RASIP1: variants seen among roughly 807,000 people sequenced by gnomAD.
RASIP1 encodes ras-interacting protein 1.
Under a neutral mutation model 85.3 loss-of-function variants are expected in RASIP1, and 20 were observed. That is an observed-to-expected ratio of 0.23 (90% confidence interval 0.17 to 0.34). The LOEUF (loss-of-function observed/expected upper bound fraction) is 0.34. RASIP1 is among the 10% of genes least tolerant of loss of function. RASIP1 has a pLI of 1.00. For missense variants in RASIP1, 1,170 were observed against 1,390.9 expected (o/e 0.84, Z 2.53); for synonymous variants, 617 against 647.1 (o/e 0.95, Z 0.71).
intron 4 of RASIP1, among the ~76,000 whole-genome samples, chr19:48,733,761 C>T (rs562001103): frequency 1.1e-4 from 16 of 150,016 alleles, no homozygotes; most frequent in Non-Finnish European, 1.9e-4. Context: ...GAGCCAAGAT[C>T]GCACCACTGC....
rs2033548299 is a variant in RASIP1 at position 48,735,270 on chromosome 19, A to G, written c.1105T>C (p.Leu369=). The change falls in exon 4 of 12, where the codon TTG becomes CTG. Residue 369 remains leucine, a synonymous_variant. Coordinates refer to ENST00000222145, the MANE Select transcript of RASIP1 (RefSeq NM_017805.3). ...GGGGCCTGGATGAGGCACTGAGTCAACTGATCGAAGTCCCCGGGGTCTGCA... is the reference window on the plus strand; with the variant it reads ...GGGGCCTGGATGAGGCACTGAGTCAGCTGATCGAAGTCCCCGGGGTCTGCA... The part of the protein sequence containing the change: ...GTADPGDFDQ[L]TQCLIQAPSN... The G allele has an allele frequency of 6.2e-7, 1 of 1,614,022 alleles. No homozygotes were observed. The highest frequency in any genetic ancestry group is 8.5e-7 in the Non-Finnish European group (1 of 1,179,994).
chr19:48,724,851 G>T lies in RASIP1; in HGVS notation c.2237C>A (p.Pro746His). 1 of 1,614,258 alleles carries T rather than the reference G, an allele frequency of 6.2e-7. No homozygotes were observed. Among genetic ancestry groups the T allele is most frequent in the Non-Finnish European group, 8.5e-7 (1 of 1,180,044 alleles). The change falls in exon 9 of 12, where the codon CCT becomes CAT. Residue 746 changes from proline (P) to histidine (H), a missense_variant. Pro to His is a moderately conservative substitution (Grantham distance 77). Coordinates refer to ENST00000222145, the MANE Select transcript of RASIP1 (RefSeq NM_017805.3). The surrounding 1 kb of genome is among the most constrained non-coding windows in gnomAD (Gnocchi z 4.6). The part of the protein sequence containing the change: ...ELGAMPPGLR[P>H]TLGVFQAALE... ...GGCTGCCTGGAACACGCCCAGGGTA[G>T]GTCTCAATCCTGGAGGCATGGCCCC...
chr19:48,737,356 T>G, intron 3 of RASIP1: 1 of 588,166 alleles, frequency 1.7e-6, no homozygotes, highest in Non-Finnish European at 2.1e-6. Context: ...CAGAAAAGCG[T>G]TTAGAAGGCT....
chr19:48,732,137 G>A (rs1223047611), intron 4 of RASIP1, among the ~76,000 whole-genome samples: 2 of 150,470 alleles, frequency 1.3e-5, no homozygotes, highest in African/African-American at 4.9e-5. Flanking sequence ...CATTATCTTG[G>A]TTCACTGCAG....
chr19:48,729,926 G>C (rs1161032006), intron 4 of RASIP1, among the ~76,000 whole-genome samples: 1 of 151,746 alleles, frequency 6.6e-6, no homozygotes, highest in Non-Finnish European at 1.5e-5. Context: ...TGTTGGCCAG[G>C]CTGGTCTTAA....
Position 48,720,746 on chromosome 19 carries a change from C to A in RASIP1, c.*52G>T. 6.4e-7 allele frequency: 1 copy of A among 1,570,654 alleles called. No homozygotes were observed. Among genetic ancestry groups the A allele is most frequent in the East Asian group, 2.2e-5 (1 of 44,606 alleles). On this transcript the variant is annotated 3_prime_UTR_variant, in exon 12 of 12. Transcript: ENST00000222145. ...GCTTTGCGCTCAGGCGGGCTCCTGT[C>A]CGTAGAAGCCCGTGACATTTCAAGG...
chr19:48,728,692 A>C (rs2033386579), intron 5 of RASIP1, among the ~76,000 whole-genome samples: 1 of 152,184 alleles, frequency 6.6e-6, no homozygotes, highest in Non-Finnish European at 1.5e-5. Context: ...TGAACCCCGG[A>C]GGTAGAGGTT....
Position 48,735,469 on chromosome 19 carries a change from C to A in RASIP1, c.906G>T (p.Pro302=). Residue 302 remains proline, a synonymous_variant, in exon 4 of 12, where the codon CCG becomes CCT. Coordinates refer to ENST00000222145, the MANE Select transcript of RASIP1 (RefSeq NM_017805.3). ...SGGAALASPG[P]GTGSGAPAGS... is the part of the protein sequence containing the mutation. ...CAGCTGGGGCCCCTGATCCGGTCCC[C>A]GGGCCAGGACTGGCCAGCGCTGCCC... is the stretch of plus-strand genomic sequence containing the variant. The A allele has an allele frequency of 1.3e-6, 2 of 1,580,326 alleles. No homozygotes were observed. Among genetic ancestry groups the A allele is most frequent in the Non-Finnish European group, 1.7e-6 (2 of 1,163,556 alleles).
Position 48,735,200 on chromosome 19 carries a change from G to A in RASIP1, c.1175C>T (p.Ala392Val). The A allele has an allele frequency of 6.2e-7, 1 of 1,607,026 alleles. No individual in the cohort carries two copies. The highest frequency in any genetic ancestry group is 8.5e-7 in the Non-Finnish European group (1 of 1,175,324). Residue 392 changes from alanine (A) to valine (V), a missense_variant, in exon 4 of 12, where the codon GCC becomes GTC. By Grantham distance (64) the Ala-to-Val change is moderately conservative. This residue lies in a region of RASIP1 where 301 missense variants were observed against 294.8 expected (regional missense o/e 1.02). Coordinates refer to ENST00000222145, the MANE Select transcript of RASIP1 (RefSeq NM_017805.3). ...CGGGGCTGGGGCGGCGGTTACCTGG[G>A]CGTCCTGGTAGCCCTGGAGCAGCAG... ...YFLLLQGYQD[A>V]QDFVVYVMTR...
At position 48,724,805 on chromosome 19, in the gene RASIP1, G is replaced by A. The variant is rs775977001; in HGVS notation, c.2283C>T (p.Cys761=). The change falls in exon 9 of 12, where the codon TGC becomes TGT. Residue 761 remains cysteine, a synonymous_variant. Coordinates refer to ENST00000222145, the MANE Select transcript of RASIP1 (RefSeq NM_017805.3). This position sits in a 1 kb window ranked among gnomAD's most constrained non-coding sequence, Gnocchi z 4.6. The stretch of plus-strand genomic sequence containing the variant: ...GAGACACGAGGTCAGGGTGCAGCTC[G>A]CACTGGCTGGTCAGCTCCAAGGCTG... ...FQAALELTSQ[C]ELHPDLVSQT... is the part of the protein sequence containing the mutation. 1.3e-5 allele frequency: 21 copies of A among 1,614,096 alleles called. No individual in the cohort carries two copies. The highest frequency in any genetic ancestry group is 9.3e-5 in the African/African-American group (7 of 74,946).
At position 48,740,337 on chromosome 19, in the gene RASIP1, G is replaced by T; in HGVS notation, c.-4-51C>A. The T allele has an allele frequency of 2.0e-6, 3 of 1,530,574 alleles. No individual in the cohort carries two copies. The highest frequency in any genetic ancestry group is 2.6e-6 in the Non-Finnish European group (3 of 1,141,316). The allele number at this position is 1,530,574 out of a possible 1,614,324, so 94.8% of individuals were successfully genotyped here. A position where few individuals can be genotyped will look rare whatever the true frequency, so the allele number is the denominator to read the frequency against. On this transcript the variant is annotated intron_variant, in intron 1 of 11. Coordinates refer to ENST00000222145, the MANE Select transcript of RASIP1 (RefSeq NM_017805.3). The surrounding 1 kb of genome is among the most constrained non-coding windows in gnomAD (Gnocchi z 5.5). Reference sequence around the variant, plus strand: ...ACTCCTAAGGCATTCTTGTGGGGATGGGGTGGAGGGAACCTGGACTCCGAG... The same window carrying T: ...ACTCCTAAGGCATTCTTGTGGGGATTGGGTGGAGGGAACCTGGACTCCGAG...
At chr19:48,737,960 T>C in intron 3 of RASIP1, 3 of 984,782 alleles carry the variant, frequency 3.0e-6, no homozygotes, top group Non-Finnish European at 3.6e-6. Flanking sequence ...TGTTTGTTTT[T>C]TCGAGACGAA....
At chr19:48,725,553 CAAG>C (rs2033327904) in intron 8 of RASIP1, 1 of 152,634 alleles carries the variant, frequency 6.6e-6, no homozygotes, top group African/African-American at 2.4e-5. Context: ...CTGAGAATGC[CAAG>C]AAGTGGTGTT....
At chr19:48,721,433 A>C (rs1004089755) in intron 11 of RASIP1, among the ~76,000 whole-genome samples, 2 of 152,014 alleles carry the variant, frequency 1.3e-5, no homozygotes, top group East Asian at 1.9e-4. Flanking sequence ...TGGGTCCTGC[A>C]CTTATGTCCT....
intron 4 of RASIP1, among the ~76,000 whole-genome samples, chr19:48,734,198 G>A (rs2033521016): frequency 1.3e-5 from 2 of 151,910 alleles, no homozygotes; most frequent in South Asian, 2.1e-4. Flanking sequence ...GGGAGGCTGA[G>A]GCAGGAGAAT....
chr19:48,730,398 G>C (rs780177389), intron 4 of RASIP1, among the ~76,000 whole-genome samples: 1 of 152,032 alleles, frequency 6.6e-6, no homozygotes, highest in Non-Finnish European at 1.5e-5. Flanking sequence ...TCTTGACCTT[G>C]TGATCCGCCT....
At position 48,735,493 on chromosome 19, in the gene RASIP1, C is replaced by G; in HGVS notation, c.882G>C (p.Gly294=). 1 of 1,561,184 alleles carries G rather than the reference C, an allele frequency of 6.4e-7. No individual in the cohort carries two copies. Among genetic ancestry groups the G allele is most frequent in the Non-Finnish European group, 8.7e-7 (1 of 1,152,930 alleles). Residue 294 remains glycine (G), a synonymous_variant, in exon 4 of 12, where the codon GGG becomes GGC. Transcript: ENST00000222145. ...CCGGGCCAGGACTGGCCAGCGCTGC[C>G]CCACCCGACGCCGCCCGGGAGCGGT... The part of the protein sequence containing the change: ...QKNRSRAASG[G]AALASPGPGT...
chr19:48,726,904 G>A lies in RASIP1; in HGVS notation c.2024-16C>T, dbSNP rs747089095. On this transcript the variant is annotated splice_polypyrimidine_tract_variant and intron_variant, in intron 7 of 11. Transcript: ENST00000222145. ...AGCTGTGGGTCTGAGGACAGGCTTGGGGTTAAGAGGGAGAACCAGAAGTCG... is the reference window on the plus strand; with the variant it reads ...AGCTGTGGGTCTGAGGACAGGCTTGAGGTTAAGAGGGAGAACCAGAAGTCG... 3 of 1,611,516 alleles carry A rather than the reference G, an allele frequency of 1.9e-6. No homozygotes were observed. Among genetic ancestry groups the A allele is most frequent in the Non-Finnish European group, 2.5e-6 (3 of 1,178,354 alleles).
chr19:48,740,063 C>T lies in RASIP1; in HGVS notation c.137+83G>A, dbSNP rs2033645625. On this transcript the variant is annotated intron_variant, in intron 2 of 11. Transcript: ENST00000222145. The surrounding 1 kb of genome is among the most constrained non-coding windows in gnomAD (Gnocchi z 5.5). ...AATTCAGGATGAGGACCGGAGCCAACACTTTGCAGGGACTGGGCAGTGAAC... is the reference window on the plus strand; with the variant it reads ...AATTCAGGATGAGGACCGGAGCCAATACTTTGCAGGGACTGGGCAGTGAAC... 6.9e-7 allele frequency: 1 copy of T among 1,459,142 alleles called. No homozygotes were observed. Among genetic ancestry groups the T allele is most frequent in the Non-Finnish European group, 9.0e-7 (1 of 1,105,528 alleles). 90.4% of individuals were successfully genotyped at this position (1,459,142 alleles called of 1,614,324 possible). A position where few individuals can be genotyped will look rare whatever the true frequency, so the allele number is the denominator to read the frequency against.
Sources: gnomAD v4.1 joint callset for allele counts (sites outside exome capture counted in the v4.1 genomes callset) on GRCh38, gnomAD v4.1.1 for gene constraint, gnomAD v4.1.1 regional missense constraint, Gnocchi (gnomAD v3.1) non-coding constraint, MANE v1.5 for transcripts, NCBI Gene and HGNC (gene_info 2026-07-23, HGNC 2026-07-21) for gene names.